MAGEC3: variants seen among roughly 807,000 people sequenced by gnomAD.
MAGEC3 encodes the protein MAGE family member C3, also known as melanoma-associated antigen C3.
A neutral mutation model predicts 35.3 loss-of-function variants in MAGEC3; 34 were observed. The observed-to-expected ratio is 0.96, with a 90% confidence interval of 0.73 to 1.28. The LOEUF is 1.28. Among genes scored for constraint, MAGEC3 ranks in the 50% most tolerant of loss-of-function variants. The pLI is 0.00. For synonymous variants in MAGEC3, 202 were observed against 185.6 expected, an observed-to-expected ratio of 1.09 and a Z score of -0.72; for missense variants, 561 against 483.6, an observed-to-expected ratio of 1.16 and a Z score of -1.50.
rs1295601131 is a variant in MAGEC3 at position 141,879,412 on chromosome X, T to TGG, written c.501_502dup (p.Glu168GlyfsTer46). ...TGCCGTCAGCCCTGGAAAAAGGTTG[T>TGG]GGGGGGAGAAAGCGGGGAGGTGGGC... is the stretch of plus-strand genomic sequence containing the variant. On this transcript the variant is annotated frameshift_variant, in exon 3 of 8. Coordinates refer to ENST00000298296, the MANE Select transcript of MAGEC3 (RefSeq NM_138702.1). LOFTEE classifies it high-confidence loss of function. The TGG allele has an allele frequency of 3.4e-6, 4 of 1,162,639 alleles. No individual in the cohort carries two copies. The highest frequency in any genetic ancestry group is 3.8e-5 in the African/African-American group (2 of 53,149).
chrX:141,878,384 T>C (rs146082426), intron 2 of MAGEC3, among the ~76,000 whole-genome samples: 9,192 of 111,792 alleles, frequency 0.082, 612 homozygotes, highest in African/African-American at 0.21. Context: ...TGTTATACTG[T>C]CATCATGAGA....
Position 141,865,480 on chromosome X carries a change from A to C in MAGEC3, c.133A>C (p.Lys45Gln), listed in dbSNP as rs1343616331. The change falls in exon 2 of 8, where the codon AAG becomes CAG. Residue 45 changes from lysine to glutamine, a missense_variant. Lys to Gln is a moderately conservative substitution (Grantham distance 53, BLOSUM62 1). Transcript: ENST00000298296. Reference protein sequence around the residue: ...VLPPQPQPRKKATDKDYSAFH... With the variant: ...VLPPQPQPRKQATDKDYSAFH... ...TATTTGACCTGAGTAGCCCCGGAAAAAGGCCACAGATAAGGACTATTCTGC... is the reference window on the plus strand; with the variant it reads ...TATTTGACCTGAGTAGCCCCGGAAACAGGCCACAGATAAGGACTATTCTGC... 1 of 1,208,179 alleles carries C rather than the reference A, an allele frequency of 8.3e-7. No homozygotes were observed. Among genetic ancestry groups the C allele is most frequent in the South Asian group, 1.8e-5 (1 of 56,271 alleles).
Position 141,881,415 on chromosome X carries a change from C to A in MAGEC3, c.528C>A (p.Ser176Arg). 1 of 1,199,063 alleles carries A rather than the reference C, an allele frequency of 8.3e-7. No homozygotes were observed. Among genetic ancestry groups the A allele is most frequent in the Non-Finnish European group, 1.1e-6 (1 of 889,963 alleles). ...WGEKAGSLPE[S>R]EPLFTYTLDE... ...GTACCTGGCACAGCTTGCCAGAGAG[C>A]GAGCCCTTGTTCACTTATACACTGG... The change falls in exon 4 of 8, where the codon AGC becomes AGA. Residue 176 changes from serine (S) to arginine (R), a missense_variant. Ser to Arg is a moderately radical substitution (Grantham distance 110, BLOSUM62 -1). Coordinates refer to ENST00000298296, the MANE Select transcript of MAGEC3 (RefSeq NM_138702.1).
chrX:141,841,607 C>T (rs181214927), intron 1 of MAGEC3, among the ~76,000 whole-genome samples: 77 of 111,739 alleles, frequency 6.9e-4, no homozygotes, highest in African/African-American at 2.4e-3. Flanking sequence ...GGAAGGGACT[C>T]AGCCTTGTCC....
chrX:141,877,703 A>C (rs1165511586), intron 2 of MAGEC3, among the ~76,000 whole-genome samples: 4 of 111,837 alleles, frequency 3.6e-5, no homozygotes, highest in African/African-American at 1.3e-4. Context: ...GGCTTCCAAC[A>C]TTTCCTTAAA....
chrX:141,889,504 C>T (rs1435772174), intron 4 of MAGEC3, among the ~76,000 whole-genome samples: 1 of 112,022 alleles, frequency 8.9e-6, no homozygotes, highest in Non-Finnish European at 1.9e-5. Context: ...ACACTCTGGG[C>T]TCGTCCTACT....
chrX:141,881,339 T>C, intron 3 of MAGEC3, 64 bp from the exon 4 acceptor site: 2 of 1,139,611 alleles, frequency 1.8e-6, no homozygotes, highest in Non-Finnish European at 1.2e-6. Flanking sequence ...TCCTCCACTT[T>C]ATGAAGCCCA....
At chrX:141,844,605 T>C in intron 1 of MAGEC3, among the ~76,000 whole-genome samples, 1 of 111,491 alleles carries the variant, frequency 9.0e-6, no homozygotes, top group South Asian at 3.7e-4. Context: ...TTCTAGAGTC[T>C]ATTGAGATTT....
chrX:141,880,899 C>T (rs745860198), intron 3 of MAGEC3: 1 of 903,544 alleles, frequency 1.1e-6, no homozygotes, highest in Non-Finnish European at 1.6e-6. Flanking sequence ...TGCAGTGTCC[C>T]TCTCTCCCTC....
chrX:141,839,466 T>C, intron 1 of MAGEC3: 2 of 753,725 alleles, frequency 2.7e-6, no homozygotes, highest in Non-Finnish European at 1.6e-6. Flanking sequence ...TTCACTCTGC[T>C]GTCATATTTG....
intron 3 of MAGEC3, 69 bp from the exon 4 acceptor site, chrX:141,881,334 C>T (rs1279512542): frequency 1.8e-6 from 2 of 1,128,001 alleles, no homozygotes; most frequent in African/African-American, 3.7e-5. Context: ...GCTCCTCCTC[C>T]ACTTTATGAA....
At chrX:141,847,813 G>C (rs2054525351) in intron 1 of MAGEC3, among the ~76,000 whole-genome samples, 1 of 111,053 alleles carries the variant, frequency 9.0e-6, no homozygotes, top group Admixed American at 9.6e-5. Context: ...AATAGAAAAA[G>C]AAGAGCAAAT....
intron 1 of MAGEC3, chrX:141,839,853 C>A: frequency 2.1e-6 from 1 of 475,602 alleles, no homozygotes; most frequent in Non-Finnish European, 2.6e-6. Context: ...GCAGGGAATG[C>A]TACTGGTATT....
chrX:141,857,853 C>T lies in MAGEC3; in HGVS notation c.124-7618C>T, dbSNP rs1040744538. Among the ~76,000 whole-genome samples the T allele has an allele frequency of 7.2e-5, 8 of 111,194 alleles. No homozygotes were observed. The East Asian group carries it at 2.0e-3, about 28-fold the overall frequency. ...GCTCATTTGCTAATTGTATTGCACT[C>T]CAGTATAATATGCAGTTCAAAAGAG... On this transcript the variant is annotated intron_variant, in intron 1 of 7. Transcript: ENST00000298296.
intron 4 of MAGEC3, among the ~76,000 whole-genome samples, chrX:141,891,839 C>T (rs996228478): frequency 9.2e-6 from 1 of 109,039 alleles, no homozygotes; most frequent in Non-Finnish European, 1.9e-5. Context: ...TTGCATTCCC[C>T]TAAAGTTCTA....
Position 141,881,556 on chromosome X carries a change from T to C in MAGEC3, c.669T>C (p.Pro223=), listed in dbSNP as rs2017965283. ...NVINTYTGYF[P]MIFRKAREFI... The stretch of plus-strand genomic sequence containing the variant: ...TCAACACATACACGGGCTACTTTCC[T>C]ATGATCTTCAGGAAAGCCCGTGAGT... The change falls in exon 4 of 8, where the codon CCT becomes CCC. Residue 223 remains proline, a synonymous_variant. Transcript: ENST00000298296. 7 of 1,211,603 alleles carry C rather than the reference T, an allele frequency of 5.8e-6. No individual in the cohort carries two copies. Among genetic ancestry groups the C allele is most frequent in the Non-Finnish European group, 7.8e-6 (7 of 895,337 alleles).
chrX:141,883,457 A>G (rs939919166), intron 4 of MAGEC3, among the ~76,000 whole-genome samples: 1 of 112,095 alleles, frequency 8.9e-6, no homozygotes, highest in Non-Finnish European at 1.9e-5. Context: ...TGACAATTCC[A>G]TATCTATCCT....
At position 141,865,681 on chromosome X, in the gene MAGEC3, T is replaced by C. The variant is rs556536557; in HGVS notation, c.258+76T>C. On this transcript the variant is annotated intron_variant, in intron 2 of 7. Transcript: ENST00000298296. ...AGTTTTAGCCCTGCCCTCCCTGTGC[T>C]GTTAGCCCTGGGTGGCCCAAGGCAG... 3.3e-5 allele frequency: 35 copies of C among 1,075,805 alleles called. No homozygotes were observed. The Middle Eastern group carries it at 1.4e-3, about 45-fold the overall frequency. The allele number at this position is 1,075,805 out of a possible 1,213,427, so 88.7% of individuals were successfully genotyped here.
chrX:141,844,505 T>G (rs1461215283), intron 1 of MAGEC3, among the ~76,000 whole-genome samples: 1 of 111,187 alleles, frequency 9.0e-6, no homozygotes, highest in Non-Finnish European at 1.9e-5. Flanking sequence ...CACTTAAAAT[T>G]TGTTGGTCTT....
Sources: gnomAD v4.1 joint callset for allele counts (sites outside exome capture counted in the v4.1 genomes callset) on GRCh38, gnomAD v4.1.1 for gene constraint, MANE v1.5 for transcripts, NCBI Gene and HGNC (gene_info 2026-07-23, HGNC 2026-07-21) for gene names.